The following MRNIP variants were observed in gnomAD, a reference collection of about 807,000 sequenced individuals.
The protein encoded by MRNIP is MRN complex-interacting protein.
A neutral mutation model predicts 29.8 loss-of-function variants in MRNIP; 30 were observed. The observed-to-expected ratio is 1.01, with a 90% CI of 0.75 to 1.36. The LOEUF is 1.36. Ranked by LOEUF, MRNIP falls within the 40% of genes most tolerant of loss-of-function variation. The pLI, the probability that MRNIP is intolerant of heterozygous loss-of-function variation, is 0.00. For synonymous variants in MRNIP, 201 were observed against 164.1 expected (o/e 1.23, Z -1.72); for missense variants, 459 against 423.5 (o/e 1.08, Z -0.74).
In MRNIP at chr5:179,837,368, A is replaced by G. The variant is rs748885911; in HGVS notation, c.*23T>C. ...TGTCCCTCCTAACAAGTGTATCTCGATTAATAACCTGCCAGTCCCAGATCA... is the reference window on the plus strand; with the variant it reads ...TGTCCCTCCTAACAAGTGTATCTCGGTTAATAACCTGCCAGTCCCAGATCA... On this transcript the variant is annotated 3_prime_UTR_variant, in exon 7 of 7. Transcript: ENST00000292586. 7 of 1,581,482 alleles carry G rather than the reference A, an allele frequency of 4.4e-6. No homozygotes were observed. The highest frequency in any genetic ancestry group is 6.0e-6 in the Non-Finnish European group (7 of 1,162,806).
chr5:179,850,130 G>A (rs1436310962), intron 2 of MRNIP, among the ~76,000 whole-genome samples: 1 of 151,386 alleles, frequency 6.6e-6, no homozygotes, highest in Non-Finnish European at 1.5e-5. Flanking sequence ...GTCCTGCTAT[G>A]GCACAGGCAG....
chr5:179,847,283 T>G (rs962947189), intron 3 of MRNIP: 1 of 143,766 alleles, frequency 7.0e-6, no homozygotes, highest in African/African-American at 2.5e-5. Flanking sequence ...TTCTCCTACC[T>G]CAGCCTCCTG....
intron 3 of MRNIP, 179 bp downstream of exon 3, chr5:179,847,799 C>T (rs916460305): frequency 3.5e-6 from 2 of 564,910 alleles, no homozygotes; most frequent in African/African-American, 1.9e-5. Flanking sequence ...GTATTCTAAA[C>T]ATCCCCGGGG....
intron 4 of MRNIP, 91 bp downstream of exon 4, chr5:179,844,061 C>T (rs1582044277): frequency 9.5e-7 from 1 of 1,055,518 alleles, no homozygotes; most frequent in East Asian, 2.4e-5. Context: ...GGCATCAACA[C>T]ACATTTGCTA....
chr5:179,845,231 ACT>A (rs1759079250), intron 3 of MRNIP, among the ~76,000 whole-genome samples: 1 of 151,226 alleles, frequency 6.6e-6, no homozygotes, highest in African/African-American at 2.4e-5. Flanking sequence ...ATGGAGTCTC[ACT>A]CTGTCACCCA....
intron 1 of MRNIP, among the ~76,000 whole-genome samples, chr5:179,854,017 TA>T: frequency 8.2e-6 from 1 of 121,360 alleles, no homozygotes; most frequent in African/African-American, 3.9e-5. Context: ...TGGCCTGAAA[TA>T]ATTTTTTTTT....
intron 3 of MRNIP, chr5:179,847,588 G>C (rs192837392): frequency 3.0e-5 from 5 of 168,396 alleles, no homozygotes; most frequent in Admixed American, 2.8e-4. Context: ...GAAGTCTAAG[G>C]GACTTCTCCA....
rs556538959 is a variant in MRNIP at position 179,850,002 on chromosome 5, C to T, written c.127-1936G>A. ...TATGGCACAGGTAGATGGTACGAGA[C>T]GGAATTTGAGGGCTCAGGTCCCGCT... On this transcript the variant is annotated intron_variant, in intron 2 of 6. Transcript: ENST00000292586. 8.9e-4 allele frequency among the ~76,000 whole-genome samples: 129 copies of T among 145,706 alleles called. 1 individual carries two copies. The highest frequency in any genetic ancestry group is 4.3e-3 in the Middle Eastern group (1 of 230).
chr5:179,857,659 A>C (rs1229289393), intron 1 of MRNIP, among the ~76,000 whole-genome samples: 1 of 152,182 alleles, frequency 6.6e-6, no homozygotes, highest in East Asian at 1.9e-4. Flanking sequence ...CTTAGCATTA[A>C]ATGCAAGCTT....
rs770814240 is a variant in MRNIP at position 179,837,440 on chromosome 5, C to T, written c.983G>A (p.Arg328Gln). The T allele has an allele frequency of 5.0e-6, 8 of 1,610,290 alleles. No homozygotes were observed. The highest frequency in any genetic ancestry group is 2.2e-5 in the East Asian group (1 of 44,836). ...CCCAGTTATAAAGAGGTCACATAGT[C>T]GTGTGGGTCGAGGATTCTGTGCCTC... ...VLEAQNPRPT[R>Q]LCDLFITGED... is the part of the protein sequence containing the mutation. Residue 328 changes from arginine to glutamine, a missense_variant, in exon 7 of 7, where the codon CGA (arginine) becomes CAA (glutamine). Physicochemically the swap from Arg to Gln is conservative, Grantham distance 43. Transcript: ENST00000292586.
intron 4 of MRNIP, among the ~76,000 whole-genome samples, chr5:179,843,041 AGAAGGAAGGAAG>A (rs575675053): frequency 9.4e-6 from 1 of 106,202 alleles, no homozygotes; most frequent in Non-Finnish European, 1.8e-5. Flanking sequence ...AAAGGAGGAA[AGAAGGAAGGAAG>A]GAAGGAAGGG....
chr5:179,852,647 A>G (rs1164893590), intron 2 of MRNIP, among the ~76,000 whole-genome samples: 1 of 152,190 alleles, frequency 6.6e-6, no homozygotes, highest in East Asian at 1.9e-4. Context: ...CAAAGGCCTG[A>G]AGAGGGAGCA....
intron 1 of MRNIP, among the ~76,000 whole-genome samples, chr5:179,853,848 G>C (rs1220173104): frequency 4.6e-5 from 7 of 152,006 alleles, no homozygotes; most frequent in Non-Finnish European, 8.8e-5. Context: ...AAGTAGCTGG[G>C]ATTACAGGTG....
intron 2 of MRNIP, chr5:179,851,221 A>C: frequency 2.2e-6 from 1 of 455,488 alleles, no homozygotes; most frequent in Non-Finnish European, 4.4e-6. Context: ...AGCCATGCTC[A>C]CCATGTGGGG....
chr5:179,844,439 G>A (rs1334090685), intron 3 of MRNIP: 3 of 483,238 alleles, frequency 6.2e-6, no homozygotes, highest in African/African-American at 6.0e-5. Flanking sequence ...CCGGAAGGCA[G>A]AGGCTGCAGT....
At chr5:179,852,297 A>C (rs950930884) in intron 2 of MRNIP, among the ~76,000 whole-genome samples, 1 of 152,044 alleles carries the variant, frequency 6.6e-6, no homozygotes, top group African/African-American at 2.4e-5. Context: ...AAAAAAAAAA[A>C]AACCCCAAAA....
chr5:179,838,417 T>G, intron 6 of MRNIP: 1 of 165,136 alleles, frequency 6.1e-6, no homozygotes, highest in East Asian at 1.6e-4. Context: ...GGCTCACGCC[T>G]GTAATCCCAG....
intron 6 of MRNIP, chr5:179,839,797 C>G (rs1031627721): frequency 6.6e-6 from 1 of 152,418 alleles, no homozygotes; most frequent in African/African-American, 2.4e-5. Context: ...CACTCTGCAG[C>G]ACTGGATATG....
At chr5:179,840,704 G>C (rs940912496) in intron 6 of MRNIP, 168 bp downstream of exon 6, 6 of 638,620 alleles carry the variant, frequency 9.4e-6, no homozygotes, top group African/African-American at 3.6e-5. Context: ...AGGGGGTACA[G>C]ACCCGAGGAA....
Sources: allele counts gnomAD v4.1 joint callset (sites outside exome capture counted in the v4.1 genomes callset), GRCh38; gene constraint gnomAD v4.1.1; transcripts MANE v1.5; gene names NCBI Gene and HGNC (gene_info 2026-07-23, HGNC 2026-07-21).